ADAMTSL1: variants seen among roughly 807,000 people sequenced by gnomAD.
ADAMTSL1 encodes the protein ADAMTS-like protein 1.
ADAMTSL1 carries 126 observed loss-of-function variants against 201.8 expected under a neutral mutation model. The ratio of observed to expected loss-of-function variants is 0.62; its 90% confidence interval spans 0.54 to 0.72. The LOEUF is 0.72. Among genes scored for constraint, ADAMTSL1 ranks in the 30% least tolerant of loss-of-function variants. The pLI is 0.00. For missense variants in ADAMTSL1, 2,679 were observed against 2,277.8 expected (o/e 1.18, Z -3.59); for synonymous variants, 1,121 against 903.4 (o/e 1.24, Z -4.32).
chr9:18,675,825 A>G, intron 9 of ADAMTSL1, 32 bp from the exon 10 acceptor site: 1 of 1,600,888 alleles, frequency 6.2e-7, no homozygotes, highest in Non-Finnish European at 8.6e-7. Context: ...TGTACCTTCT[A>G]CTCAGAGGGT....
intron 2 of ADAMTSL1, among the ~76,000 whole-genome samples, chr9:18,315,456 C>A (rs183945795): frequency 1.4e-4 from 22 of 152,060 alleles, no homozygotes; most frequent in Admixed American, 2.6e-4. Context: ...GTGGTTCGGG[C>A]ATTGGGGGCT....
chr9:18,331,529 G>T (rs181467130), intron 2 of ADAMTSL1, among the ~76,000 whole-genome samples: 29 of 152,222 alleles, frequency 1.9e-4, no homozygotes, highest in African/African-American at 7.0e-4. Context: ...AGTGCACATG[G>T]TGATAGCAAA....
intron 4 of ADAMTSL1, among the ~76,000 whole-genome samples, chr9:18,610,402 A>C (rs1825296917): frequency 6.6e-6 from 1 of 152,200 alleles, no homozygotes; most frequent in South Asian, 2.1e-4. Context: ...TTTGAGAGAC[A>C]GAATTTTAGA....
chr9:17,976,162 C>G (rs1245169035), intron 1 of ADAMTSL1, among the ~76,000 whole-genome samples: 1 of 152,006 alleles, frequency 6.6e-6, no homozygotes, highest in African/African-American at 2.4e-5. Flanking sequence ...AAGTGTGATG[C>G]TTCCAGCTTT....
chr9:17,948,735 A>G (rs1450708517), intron 1 of ADAMTSL1, among the ~76,000 whole-genome samples: 1 of 152,254 alleles, frequency 6.6e-6, no homozygotes, highest in Non-Finnish European at 1.5e-5. Context: ...GAAACTAGTT[A>G]AACCATCCTG....
intron 1 of ADAMTSL1, among the ~76,000 whole-genome samples, chr9:18,013,001 TTTC>T (rs144717175): frequency 0.27 from 40,790 of 148,720 alleles, 5,512 homozygotes; most frequent in South Asian, 0.32. Flanking sequence ...GCATTTTTTT[TTTC>T]TTTAGCACAT....
chr9:17,935,936 C>T (rs1358809953), intron 1 of ADAMTSL1, among the ~76,000 whole-genome samples: 1 of 152,150 alleles, frequency 6.6e-6, no homozygotes, highest in East Asian at 1.9e-4. Context: ...GCTTATAAGG[C>T]CTGATTTATC....
At chr9:18,389,369 A>G (rs1237827356) in intron 2 of ADAMTSL1, among the ~76,000 whole-genome samples, 2 of 152,326 alleles carry the variant, frequency 1.3e-5, no homozygotes, top group South Asian at 4.1e-4. Flanking sequence ...CCAGTCACCA[A>G]TCAAAAAATT....
At chr9:18,533,694 A>C (rs927178256) in intron 3 of ADAMTSL1, among the ~76,000 whole-genome samples, 1 of 152,236 alleles carries the variant, frequency 6.6e-6, no homozygotes, top group African/African-American at 2.4e-5. Flanking sequence ...AGTGCCAACT[A>C]TGTGTGAGGC....
At chr9:18,600,203 T>C (rs1454518166) in intron 4 of ADAMTSL1, among the ~76,000 whole-genome samples, 1 of 152,062 alleles carries the variant, frequency 6.6e-6, no homozygotes, top group African/African-American at 2.4e-5. Flanking sequence ...TAGGTATTTC[T>C]AAGGGGAAGG....
At chr9:17,965,529 A>G (rs1267281632) in intron 1 of ADAMTSL1, among the ~76,000 whole-genome samples, 4 of 152,180 alleles carry the variant, frequency 2.6e-5, no homozygotes, top group Non-Finnish European at 4.4e-5. Context: ...AAGCAATCAC[A>G]TCGCTTATTA....
intron 21 of ADAMTSL1, among the ~76,000 whole-genome samples, chr9:18,823,132 T>C (rs535350062): frequency 2.0e-5 from 3 of 152,334 alleles, no homozygotes; most frequent in Admixed American, 6.5e-5. Flanking sequence ...CCTCAAAATG[T>C]GGCACCAGTA....
At chr9:18,823,614 C>T (rs573827982) in intron 21 of ADAMTSL1, among the ~76,000 whole-genome samples, 96 of 152,286 alleles carry the variant, frequency 6.3e-4, no homozygotes, top group Non-Finnish European at 1.3e-3. Flanking sequence ...GTTTGCTGCC[C>T]ACAGCCCTCC....
intron 1 of ADAMTSL1, among the ~76,000 whole-genome samples, chr9:18,161,652 T>G (rs1039621361): frequency 2.0e-5 from 3 of 152,006 alleles, no homozygotes; most frequent in African/African-American, 7.2e-5. Flanking sequence ...TGGCCCTGAA[T>G]AACAAGTCCA....
At chr9:18,357,051 C>T (rs1836280548) in intron 2 of ADAMTSL1, among the ~76,000 whole-genome samples, 1 of 152,126 alleles carries the variant, frequency 6.6e-6, no homozygotes, top group Admixed American at 6.5e-5. Flanking sequence ...TTTGTCACTG[C>T]CACCCATCTC....
intron 1 of ADAMTSL1, among the ~76,000 whole-genome samples, chr9:18,136,578 G>T (rs1047369603): frequency 6.6e-6 from 1 of 152,042 alleles, no homozygotes; most frequent in African/African-American, 2.4e-5. Context: ...AAAAGGGCTA[G>T]CTCTGTTTGT....
chr9:18,034,321 A>G (rs575005747), intron 1 of ADAMTSL1, among the ~76,000 whole-genome samples: 2 of 152,078 alleles, frequency 1.3e-5, no homozygotes, highest in Non-Finnish European at 2.9e-5. Flanking sequence ...TTCTTTAAAC[A>G]TCACTCTTAC....
At chr9:18,680,268 A>C (rs1830382405) in intron 10 of ADAMTSL1, 44 bp from the exon 11 acceptor site, 1 of 1,585,546 alleles carries the variant, frequency 6.3e-7, no homozygotes, top group East Asian at 2.3e-5. Context: ...GAGGAGGCTT[A>C]GCAATGTGCA....
chr9:18,762,117 G>A (rs1261933465), intron 16 of ADAMTSL1, among the ~76,000 whole-genome samples: 1 of 152,192 alleles, frequency 6.6e-6, no homozygotes. Context: ...CATGCTCTTT[G>A]CCAGATACTC....
Sources: allele counts gnomAD v4.1 joint callset (sites outside exome capture counted in the v4.1 genomes callset), GRCh38; gene constraint gnomAD v4.1.1; transcripts MANE v1.5; gene names NCBI Gene and HGNC (gene_info 2026-07-23, HGNC 2026-07-21).